Variants in TRAPPC9 observed in about 807,000 individuals in gnomAD.
TRAPPC9 encodes IKK2 binding protein.
Under a neutral mutation model 124.0 loss-of-function variants are expected in TRAPPC9, and 83 were observed. The ratio of observed to expected loss-of-function variants is 0.67; its 90% CI spans 0.56 to 0.80. The LOEUF (loss-of-function observed/expected upper bound fraction) is 0.80, where lower values mean the gene tolerates loss of function less well. Ranked by LOEUF, TRAPPC9 falls within the 30% of genes least tolerant of loss-of-function variation. The pLI is 0.00. For missense variants in TRAPPC9, 1,302 were observed against 1,508.3 expected (o/e 0.86, Z 2.27); for synonymous variants, 638 against 617.5 (o/e 1.03, Z -0.49).
At chr8:139,814,525 C>A (rs2130763157) in intron 21 of TRAPPC9, among the ~76,000 whole-genome samples, 1 of 152,254 alleles carries the variant, frequency 6.6e-6, no homozygotes, top group African/African-American at 2.4e-5. Context: ...TTCAGAGGCT[C>A]CTCTGGGCCC....
chr8:140,457,330 A>G (rs1338507327), intron 1 of TRAPPC9, among the ~76,000 whole-genome samples: 3 of 152,074 alleles, frequency 2.0e-5, no homozygotes, highest in Non-Finnish European at 4.4e-5. Context: ...AGCTCGGGAG[A>G]GCAGAGCCGG....
chr8:140,013,804 T>C (rs1839285889), intron 18 of TRAPPC9, among the ~76,000 whole-genome samples: 1 of 152,232 alleles, frequency 6.6e-6, no homozygotes, highest in African/African-American at 2.4e-5. Context: ...AGACACTTTA[T>C]AACACACAGT....
chr8:140,124,718 C>A (rs75442862), intron 17 of TRAPPC9, among the ~76,000 whole-genome samples: 1,851 of 66,216 alleles, frequency 0.028, 27 homozygotes, highest in African/African-American at 0.079. Flanking sequence ...GAGGACCCTC[C>A]GAGGGGAGGA....
chr8:139,943,520 A>C (rs1162137513), intron 19 of TRAPPC9, among the ~76,000 whole-genome samples: 1 of 152,252 alleles, frequency 6.6e-6, no homozygotes, highest in Non-Finnish European at 1.5e-5. Flanking sequence ...AACTGACCTA[A>C]GAAGAACCAA....
At chr8:140,275,258 C>T (rs1421956411) in intron 15 of TRAPPC9, among the ~76,000 whole-genome samples, 1 of 152,230 alleles carries the variant, frequency 6.6e-6, no homozygotes, top group African/African-American at 2.4e-5. Flanking sequence ...CCCCAAACTA[C>T]ACGAGCTGGA....
At chr8:140,435,361 G>A in intron 3 of TRAPPC9, 121 bp from the exon 4 acceptor site, 3 of 1,365,014 alleles carry the variant, frequency 2.2e-6, no homozygotes, top group Non-Finnish European at 2.0e-6. Flanking sequence ...ATTTAAACAG[G>A]TGGATTATTT....
At chr8:140,386,067 T>C (rs200125545) in intron 7 of TRAPPC9, among the ~76,000 whole-genome samples, 2 of 152,118 alleles carry the variant, frequency 1.3e-5, no homozygotes, top group African/African-American at 4.8e-5. Flanking sequence ...AGACAAAAAC[T>C]ACCTGATTAT....
At chr8:139,766,605 G>GC (rs1446656207) in intron 21 of TRAPPC9, among the ~76,000 whole-genome samples, 1 of 152,188 alleles carries the variant, frequency 6.6e-6, no homozygotes, top group Non-Finnish European at 1.5e-5. Flanking sequence ...TGCACACGCG[G>GC]CCCCAGGTGC....
intron 20 of TRAPPC9, among the ~76,000 whole-genome samples, chr8:139,897,409 G>A (rs776164798): frequency 6.6e-6 from 1 of 152,294 alleles, no homozygotes; most frequent in South Asian, 2.1e-4. Flanking sequence ...TGGCCTCCCC[G>A]TGGGAAAATA....
chr8:139,952,916 A>G (rs1834734128), intron 19 of TRAPPC9, among the ~76,000 whole-genome samples: 1 of 152,232 alleles, frequency 6.6e-6, no homozygotes, highest in African/African-American at 2.4e-5. Context: ...GAAGGTAAAG[A>G]GGTCAGCTAA....
chr8:140,312,219 T>A (rs1481370939), intron 9 of TRAPPC9, among the ~76,000 whole-genome samples: 2 of 152,170 alleles, frequency 1.3e-5, no homozygotes, highest in Admixed American at 6.5e-5. Flanking sequence ...AACAAGGAAG[T>A]CCCTCCTTGC....
intron 17 of TRAPPC9, among the ~76,000 whole-genome samples, chr8:140,176,185 C>T (rs2062067220): frequency 6.6e-6 from 1 of 152,166 alleles, no homozygotes; most frequent in African/African-American, 2.4e-5. Context: ...TTAATATGAA[C>T]AAAATGTTGC....
chr8:140,214,831 G>A (rs996440324), intron 17 of TRAPPC9, among the ~76,000 whole-genome samples: 2 of 152,136 alleles, frequency 1.3e-5, no homozygotes, highest in Admixed American at 1.3e-4. Flanking sequence ...TGGAAAACCT[G>A]AGAAACACAT....
chr8:140,359,470 G>A (rs1471136616), intron 9 of TRAPPC9, among the ~76,000 whole-genome samples: 1 of 152,192 alleles, frequency 6.6e-6, no homozygotes, highest in African/African-American at 2.4e-5. Context: ...CGGGAGAAAG[G>A]CAACCTTGAA....
chr8:139,980,019 G>A (rs747974751), intron 19 of TRAPPC9, among the ~76,000 whole-genome samples: 25 of 150,304 alleles, frequency 1.7e-4, no homozygotes, highest in African/African-American at 4.2e-4. Context: ...CTTGCCCCTC[G>A]AGAGTTTTCT....
chr8:139,855,694 C>T (rs973365421), intron 21 of TRAPPC9, among the ~76,000 whole-genome samples: 2 of 152,226 alleles, frequency 1.3e-5, no homozygotes, highest in African/African-American at 2.4e-5. Context: ...AAAGCCCTAC[C>T]AAGGTGGGAG....
chr8:139,806,152 T>A (rs1440110569), intron 21 of TRAPPC9: 1 of 152,256 alleles, frequency 6.6e-6, no homozygotes, highest in Non-Finnish European at 1.5e-5. Flanking sequence ...ACGCGGCAGC[T>A]GTGGCTCCTG....
At chr8:139,837,014 G>A (rs1305060191) in intron 21 of TRAPPC9, among the ~76,000 whole-genome samples, 2 of 127,224 alleles carry the variant, frequency 1.6e-5, no homozygotes, top group Non-Finnish European at 3.3e-5. Flanking sequence ...CTGCTTGCTT[G>A]TGAGACCTGG....
At chr8:140,229,963 G>C (rs761957426) in intron 16 of TRAPPC9, among the ~76,000 whole-genome samples, 1 of 152,158 alleles carries the variant, frequency 6.6e-6, no homozygotes, top group Non-Finnish European at 1.5e-5. Flanking sequence ...TAAAATCTGA[G>C]AGTGAGATTT....
Sources: allele counts gnomAD v4.1 joint callset (sites outside exome capture counted in the v4.1 genomes callset), GRCh38; gene constraint gnomAD v4.1.1; transcripts MANE v1.5; gene names NCBI Gene and HGNC (gene_info 2026-07-23, HGNC 2026-07-21).